Variants in CDK14 observed in about 807,000 individuals in gnomAD.
The protein encoded by CDK14 is cyclin dependent kinase 14.
A neutral mutation model predicts 60.7 loss-of-function variants in CDK14; 34 were observed. The ratio of observed to expected loss-of-function variants is 0.56; its 90% CI spans 0.43 to 0.75. The LOEUF (loss-of-function observed/expected upper bound fraction) is 0.75. CDK14 is among the 30% of genes least tolerant of loss of function. The pLI, the probability that CDK14 is intolerant of heterozygous loss-of-function variation, is 0.00. For synonymous variants in CDK14, 197 were observed against 203.7 expected (o/e 0.97, Z 0.28); for missense variants, 482 against 564.1 (o/e 0.85, Z 1.47).
chr7:91,120,127 C>T (rs1799736775), intron 14 of CDK14, among the ~76,000 whole-genome samples: 1 of 152,192 alleles, frequency 6.6e-6, no homozygotes, highest in Non-Finnish European at 1.5e-5. Flanking sequence ...GTGCTGCTAC[C>T]TCATACACAC....
At chr7:90,792,122 G>T (rs955488377) in intron 5 of CDK14, among the ~76,000 whole-genome samples, 2 of 151,246 alleles carry the variant, frequency 1.3e-5, no homozygotes, top group African/African-American at 2.4e-5. Flanking sequence ...GGCTGGTCTC[G>T]AACTCTTGAA....
chr7:90,715,195 G>A (rs893255081), intron 2 of CDK14, among the ~76,000 whole-genome samples: 2 of 152,058 alleles, frequency 1.3e-5, no homozygotes, highest in Non-Finnish European at 2.9e-5. Flanking sequence ...GTACAAAGAA[G>A]CCAGGGGTGG....
intron 2 of CDK14, among the ~76,000 whole-genome samples, chr7:90,635,680 G>T (rs992245386): frequency 8.5e-5 from 13 of 152,194 alleles, no homozygotes; most frequent in East Asian, 1.9e-4. Context: ...GAAAGTCATT[G>T]GTAGCTTGAT....
intron 12 of CDK14, among the ~76,000 whole-genome samples, chr7:91,084,071 T>G (rs1431922967): frequency 2.0e-5 from 3 of 152,224 alleles, no homozygotes. Flanking sequence ...GATATTATCA[T>G]CTTGATTGTA....
intron 9 of CDK14, among the ~76,000 whole-genome samples, chr7:90,983,873 G>A (rs1795307539): frequency 6.6e-6 from 1 of 152,024 alleles, no homozygotes; most frequent in South Asian, 2.1e-4. Context: ...AGAAGGAGGA[G>A]GAAGGAAGGG....
chr7:90,941,170 G>A (rs1365264699), intron 8 of CDK14, among the ~76,000 whole-genome samples: 4 of 152,200 alleles, frequency 2.6e-5, no homozygotes, highest in Non-Finnish European at 5.9e-5. Flanking sequence ...AGAAATTAGA[G>A]GATGGGTTGA....
chr7:90,938,380 T>C (rs1481082317), intron 8 of CDK14, among the ~76,000 whole-genome samples: 1 of 152,204 alleles, frequency 6.6e-6, no homozygotes, highest in African/African-American at 2.4e-5. Context: ...GGTGGAATGC[T>C]ACCTTCTGAA....
At chr7:90,663,723 A>G (rs1800911130) in intron 2 of CDK14, among the ~76,000 whole-genome samples, 1 of 152,190 alleles carries the variant, frequency 6.6e-6, no homozygotes, top group African/African-American at 2.4e-5. Context: ...GCTCCTCGAT[A>G]ATGTTTGCAT....
At chr7:90,839,145 T>C (rs1166468802) in intron 5 of CDK14, among the ~76,000 whole-genome samples, 1 of 152,112 alleles carries the variant, frequency 6.6e-6, no homozygotes, top group African/African-American at 2.4e-5. Flanking sequence ...ATATTGGGGG[T>C]GGTTCCCCTG....
At chr7:90,751,503 A>T (rs1248262161) in intron 4 of CDK14, among the ~76,000 whole-genome samples, 2 of 152,180 alleles carry the variant, frequency 1.3e-5, no homozygotes, top group Non-Finnish European at 2.9e-5. Context: ...TCAGCCTTAC[A>T]AGAGATCCTT....
At chr7:90,721,161 A>T (rs1802437464) in intron 2 of CDK14, among the ~76,000 whole-genome samples, 1 of 152,034 alleles carries the variant, frequency 6.6e-6, no homozygotes, top group Non-Finnish European at 1.5e-5. Context: ...TGCCATTGGA[A>T]CATGCTGTGT....
At chr7:90,720,577 A>G (rs959426216) in intron 2 of CDK14, among the ~76,000 whole-genome samples, 2 of 152,240 alleles carry the variant, frequency 1.3e-5, no homozygotes, top group Admixed American at 1.3e-4. Context: ...ATACTAATTT[A>G]GTGTGACTGA....
At chr7:91,130,991 A>G (rs529525116) in intron 14 of CDK14, among the ~76,000 whole-genome samples, 3 of 152,284 alleles carry the variant, frequency 2.0e-5, no homozygotes, top group South Asian at 4.1e-4. Context: ...CCCATGAAGT[A>G]ACTCATGGAA....
chr7:90,723,323 G>A (rs905298142), intron 2 of CDK14, among the ~76,000 whole-genome samples: 1 of 152,152 alleles, frequency 6.6e-6, no homozygotes, highest in African/African-American at 2.4e-5. Context: ...TCTTGCAGAT[G>A]CTCCTTAGCT....
At chr7:91,176,696 C>A (rs1262853251) in intron 14 of CDK14, among the ~76,000 whole-genome samples, 1 of 151,938 alleles carries the variant, frequency 6.6e-6, no homozygotes, top group Non-Finnish European at 1.5e-5. Flanking sequence ...TGCAAATAAA[C>A]TAGAAAATCT....
rs901697852 is a variant in CDK14 at position 90,637,317 on chromosome 7, A to C, written c.123+33068A>C. Among the ~76,000 whole-genome samples the C allele has an allele frequency of 4.8e-4, 73 of 151,926 alleles. 3 individuals are homozygous for C. The East Asian group carries it at 5.8e-3, about 12-fold the overall frequency. ...ACACACTGCTTTGAATGTGTCCCAG[A>C]GATTCTGGTATGTTGTGTCTTTGTT... On this transcript the variant is annotated intron_variant, in intron 2 of 14. Transcript: ENST00000380050.
At chr7:90,703,859 G>C (rs564887544) in intron 2 of CDK14, among the ~76,000 whole-genome samples, 6 of 152,202 alleles carry the variant, frequency 3.9e-5, no homozygotes, top group Admixed American at 3.9e-4. Context: ...GCCAAGGAGG[G>C]TGGATCACTT....
intron 6 of CDK14, among the ~76,000 whole-genome samples, chr7:90,889,084 C>T (rs1214840007): frequency 6.6e-6 from 1 of 152,182 alleles, no homozygotes; most frequent in East Asian, 1.9e-4. Context: ...AAACTATACA[C>T]TGAGTTTATT....
intron 3 of CDK14, among the ~76,000 whole-genome samples, chr7:90,736,350 GTTTTTTTTTTT>G (rs869290471): frequency 2.0e-5 from 1 of 50,314 alleles, no homozygotes; most frequent in Non-Finnish European, 3.7e-5. Flanking sequence ...TTATGTTTTT[GTTTTTTTTTTT>G]TTTTTTTTTT....
Sources: gnomAD v4.1 joint callset for allele counts (sites outside exome capture counted in the v4.1 genomes callset) on GRCh38, gnomAD v4.1.1 for gene constraint, MANE v1.5 for transcripts, NCBI Gene and HGNC (gene_info 2026-07-23, HGNC 2026-07-21) for gene names.